WDFY2: variants seen among roughly 807,000 people sequenced by gnomAD.
WDFY2 encodes WD repeat and FYVE domain containing 2.
In WDFY2, 36 loss-of-function variants were observed where a neutral mutation model predicts 56.4. The ratio of observed to expected loss-of-function variants is 0.64; its 90% CI spans 0.49 to 0.84. The LOEUF is 0.84. WDFY2 is among the 40% of genes least tolerant of loss of function. WDFY2 has a pLI of 0.00. For missense variants in WDFY2, 444 were observed against 512.2 expected, an observed-to-expected ratio of 0.87 and a Z score of 1.29; for synonymous variants, 176 against 183.7, an observed-to-expected ratio of 0.96 and a Z score of 0.34.
intron 1 of WDFY2, among the ~76,000 whole-genome samples, chr13:51,605,544 T>C (rs1229007074): frequency 6.6e-6 from 1 of 152,196 alleles, no homozygotes; most frequent in African/African-American, 2.4e-5. Context: ...TGTATAAATA[T>C]GAAGAATTTT....
rs10467510 is a variant in WDFY2, at chr13:51,711,020, G to A, written c.334+7370G>A. ...AAAAGAACAAAGCTGGAGGCATCAC[G>A]CTACCTGACTTCAAACTATACTACA... On this transcript the variant is annotated intron_variant, in intron 4 of 11. Coordinates refer to ENST00000298125, the MANE Select transcript of WDFY2 (RefSeq NM_052950.4). Among the ~76,000 whole-genome samples the A allele has an allele frequency of 7.8e-3, 1,187 of 152,218 alleles. 11 individuals carry two copies. The highest frequency in any genetic ancestry group is 0.027 in the African/African-American group (1,125 of 41,528).
chr13:51,682,576 C>A (rs1184954134), intron 3 of WDFY2, among the ~76,000 whole-genome samples: 3 of 152,144 alleles, frequency 2.0e-5, no homozygotes, highest in Non-Finnish European at 4.4e-5. Context: ...GCCTCTACCC[C>A]CCTCAAGTTG....
chr13:51,664,209 A>G (rs754027882), intron 2 of WDFY2, among the ~76,000 whole-genome samples: 10 of 152,174 alleles, frequency 6.6e-5, no homozygotes, highest in Non-Finnish European at 1.0e-4. Context: ...ATGGTCGAAA[A>G]CACAAGCACT....
chr13:51,648,333 C>T (rs1955299554), intron 1 of WDFY2, among the ~76,000 whole-genome samples: 1 of 152,180 alleles, frequency 6.6e-6, no homozygotes, highest in Non-Finnish European at 1.5e-5. Context: ...TGTCCAGGTG[C>T]AGTCAGAGGA....
At chr13:51,679,621 C>T (rs188910946) in intron 3 of WDFY2, among the ~76,000 whole-genome samples, 207 of 152,214 alleles carry the variant, frequency 1.4e-3, no homozygotes, top group African/African-American at 4.6e-3. Flanking sequence ...TATACTCTTA[C>T]AGTATACATT....
At chr13:51,701,157 A>G (rs917403446) in intron 3 of WDFY2, among the ~76,000 whole-genome samples, 2 of 152,244 alleles carry the variant, frequency 1.3e-5, no homozygotes, top group Non-Finnish European at 2.9e-5. Context: ...GAGAAATGGT[A>G]TCACAAGGGA....
At chr13:51,631,060 G>A (rs916414219) in intron 1 of WDFY2, among the ~76,000 whole-genome samples, 4 of 149,868 alleles carry the variant, frequency 2.7e-5, no homozygotes, top group Admixed American at 1.3e-4. Flanking sequence ...GATTACAGGC[G>A]TGAGCCACCA....
At chr13:51,600,545 T>G (rs748843191) in intron 1 of WDFY2, among the ~76,000 whole-genome samples, 2 of 152,214 alleles carry the variant, frequency 1.3e-5, no homozygotes, top group Non-Finnish European at 2.9e-5. Context: ...ACAGTCTAGA[T>G]AAGCAGGGAG....
intron 5 of WDFY2, among the ~76,000 whole-genome samples, chr13:51,723,177 G>T (rs888591037): frequency 3.9e-5 from 6 of 152,164 alleles, no homozygotes; most frequent in African/African-American, 1.2e-4. Context: ...AATTTTTGCT[G>T]GAGTATTTTA....
chr13:51,654,776 C>T (rs1248032333), intron 1 of WDFY2, among the ~76,000 whole-genome samples: 7 of 152,202 alleles, frequency 4.6e-5, no homozygotes, highest in African/African-American at 1.7e-4. Context: ...CTCTAAGATG[C>T]AGAACCTTTT....
At chr13:51,700,376 G>A (rs1355768119) in intron 3 of WDFY2, among the ~76,000 whole-genome samples, 1 of 152,214 alleles carries the variant, frequency 6.6e-6, no homozygotes, top group Non-Finnish European at 1.5e-5. Context: ...TATTTCAAAT[G>A]TGTATATCTT....
chr13:51,663,771 T>A (rs775869148), intron 2 of WDFY2, among the ~76,000 whole-genome samples: 6 of 152,222 alleles, frequency 3.9e-5, no homozygotes, highest in Non-Finnish European at 7.3e-5. Flanking sequence ...ATAATGGTTA[T>A]GTGATATTGG....
intron 4 of WDFY2, among the ~76,000 whole-genome samples, chr13:51,717,659 C>CT (rs1952387568): frequency 1.3e-5 from 2 of 152,016 alleles, no homozygotes; most frequent in African/African-American, 4.8e-5. Context: ...ACTGATAGAA[C>CT]TTGAATTGAA....
At chr13:51,704,771 ATTAT>A (rs1360612957) in intron 4 of WDFY2, among the ~76,000 whole-genome samples, 2 of 152,176 alleles carry the variant, frequency 1.3e-5, no homozygotes, top group Non-Finnish European at 2.9e-5. Flanking sequence ...ATATGCAATT[ATTAT>A]TTATCAAGTT....
At chr13:51,716,692 C>CAAAAAAAAA in intron 4 of WDFY2, among the ~76,000 whole-genome samples, 1 of 55,136 alleles carries the variant, frequency 1.8e-5, no homozygotes, top group South Asian at 7.8e-4. Flanking sequence ...GACTCCGTCT[C>CAAAAAAAAA]AAAAAAAAAA....
At chr13:51,594,559 C>A (rs1954109726) in intron 1 of WDFY2, among the ~76,000 whole-genome samples, 1 of 151,928 alleles carries the variant, frequency 6.6e-6, no homozygotes, top group African/African-American at 2.4e-5. Flanking sequence ...CTCTTTGCCT[C>A]TTTTAGCACC....
At chr13:51,661,487 A>T (rs1955611961) in intron 2 of WDFY2, among the ~76,000 whole-genome samples, 1 of 152,162 alleles carries the variant, frequency 6.6e-6, no homozygotes. Flanking sequence ...GGAGTCCTAT[A>T]CCTTCTGGCT....
At chr13:51,637,151 A>C (rs7327307) in intron 1 of WDFY2, among the ~76,000 whole-genome samples, 151,157 of 152,258 alleles carry the variant, frequency 0.99, 75,040 homozygotes, top group East Asian at 1. Flanking sequence ...ACAGTTGCCT[A>C]AGCAGGAGGC....
At chr13:51,644,513 G>A (rs1235511608) in intron 1 of WDFY2, among the ~76,000 whole-genome samples, 2 of 152,116 alleles carry the variant, frequency 1.3e-5, no homozygotes, top group Non-Finnish European at 2.9e-5. Context: ...TGGATTAAGA[G>A]AAATGACCCA....
Sources: gnomAD v4.1 joint callset for allele counts (sites outside exome capture counted in the v4.1 genomes callset) on GRCh38, gnomAD v4.1.1 for gene constraint, MANE v1.5 for transcripts, NCBI Gene and HGNC (gene_info 2026-07-23, HGNC 2026-07-21) for gene names.